Variants in STIM2 observed in about 807,000 individuals in gnomAD.
The protein encoded by STIM2 is stromal interaction molecule 2.
STIM2 carries 31 observed loss-of-function variants against 85.8 expected under a neutral mutation model. The ratio of observed to expected loss-of-function variants is 0.36; its 90% CI spans 0.27 to 0.49. STIM2 has a LOEUF of 0.49. Among genes scored for constraint, STIM2 ranks in the 20% least tolerant of loss-of-function variants. The pLI is 0.98. For synonymous variants in STIM2, 356 were observed against 331.1 expected (o/e 1.08, Z -0.82); for missense variants, 841 against 927.6 (o/e 0.91, Z 1.21).
chr4:26,990,747 A>G (rs1169603784), intron 3 of STIM2, among the ~76,000 whole-genome samples: 1 of 152,160 alleles, frequency 6.6e-6, no homozygotes, highest in Non-Finnish European at 1.5e-5. Flanking sequence ...AATAGCAGAA[A>G]AACAAATAAT....
intron 1 of STIM2, among the ~76,000 whole-genome samples, chr4:26,886,107 G>A (rs1490190132): frequency 6.6e-6 from 1 of 151,644 alleles, no homozygotes; most frequent in Non-Finnish European, 1.5e-5. Flanking sequence ...AACTGTGACG[G>A]GCAGAACATT....
intron 2 of STIM2, among the ~76,000 whole-genome samples, chr4:26,946,563 T>C (rs1725838424): frequency 6.6e-6 from 1 of 152,262 alleles, no homozygotes; most frequent in Non-Finnish European, 1.5e-5. Flanking sequence ...TGTGTGTGTG[T>C]GTGCGCACGC....
chr4:26,985,937 G>A (rs1355422260), intron 3 of STIM2, among the ~76,000 whole-genome samples: 3 of 152,226 alleles, frequency 2.0e-5, no homozygotes, highest in African/African-American at 7.2e-5. Flanking sequence ...TACATGTAAT[G>A]TGTATGCTTG....
At chr4:26,995,038 A>G (rs969123946) in intron 3 of STIM2, among the ~76,000 whole-genome samples, 1 of 152,142 alleles carries the variant, frequency 6.6e-6, no homozygotes, top group Admixed American at 6.6e-5. Flanking sequence ...CGGTATTACA[A>G]TACTATATGG....
chr4:26,921,520 G>A (rs1041796137), intron 2 of STIM2, among the ~76,000 whole-genome samples: 4 of 152,168 alleles, frequency 2.6e-5, no homozygotes, highest in Non-Finnish European at 5.9e-5. Flanking sequence ...AAGAACTAAC[G>A]GGCATGGCTG....
intron 6 of STIM2, 37 bp from the exon 7 acceptor site, chr4:27,002,889 AT>A (rs747896350): frequency 6.1e-6 from 9 of 1,469,420 alleles, no homozygotes; most frequent in Non-Finnish European, 8.1e-6. Flanking sequence ...AAAACTGGAA[AT>A]TTTTGTGAGG....
At chr4:26,896,627 A>C (rs1723714811) in intron 1 of STIM2, among the ~76,000 whole-genome samples, 1 of 152,184 alleles carries the variant, frequency 6.6e-6, no homozygotes, top group Non-Finnish European at 1.5e-5. Context: ...TCCAATTTTA[A>C]AATTGGAAGT....
At chr4:26,861,501 C>T in intron 1 of STIM2, 132 bp downstream of exon 1, 2 of 1,212,496 alleles carry the variant, frequency 1.6e-6, no homozygotes, top group Non-Finnish European at 2.1e-6. Flanking sequence ...GGAGCCCTGC[C>T]TGCTGCTTCG....
intron 3 of STIM2, among the ~76,000 whole-genome samples, chr4:26,969,645 C>G (rs1453285672): frequency 6.6e-6 from 1 of 152,162 alleles, no homozygotes; most frequent in Non-Finnish European, 1.5e-5. Flanking sequence ...AATGAGCATG[C>G]TCAACTGCAT....
chr4:26,992,444 G>T (rs1359983498), intron 3 of STIM2, among the ~76,000 whole-genome samples: 2 of 151,990 alleles, frequency 1.3e-5, no homozygotes, highest in Admixed American at 1.3e-4. Flanking sequence ...GCTGGGTGTG[G>T]TGTCTCATAC....
At chr4:26,918,388 G>T (rs1223955906) in intron 1 of STIM2, among the ~76,000 whole-genome samples, 1 of 151,844 alleles carries the variant, frequency 6.6e-6, no homozygotes, top group African/African-American at 2.4e-5. Context: ...TTATTTTAGG[G>T]ATGAGGCAAC....
chr4:26,868,657 G>A (rs1005524545), intron 1 of STIM2, among the ~76,000 whole-genome samples: 1 of 151,996 alleles, frequency 6.6e-6, no homozygotes, highest in Non-Finnish European at 1.5e-5. Flanking sequence ...AGTTGCACAG[G>A]CCCATGTTTT....
intron 2 of STIM2, among the ~76,000 whole-genome samples, chr4:26,955,944 C>A (rs1263111868): frequency 6.6e-6 from 1 of 152,092 alleles, no homozygotes. Context: ...AAATGATTTG[C>A]TCAATATTAT....
chr4:26,912,785 T>A (rs1370952573), intron 1 of STIM2, among the ~76,000 whole-genome samples: 1 of 152,216 alleles, frequency 6.6e-6, no homozygotes, highest in East Asian at 1.9e-4. Flanking sequence ...GTAGCAAACA[T>A]ATGCTGTAGA....
At position 27,008,542 on chromosome 4, in the gene STIM2, TTTCAC is replaced by T; in HGVS notation, c.1250+17_1250+21del. 6.5e-7 allele frequency: 1 copy of T among 1,545,836 alleles called. No homozygotes were observed. The highest frequency in any genetic ancestry group is 8.8e-7 in the Non-Finnish European group (1 of 1,137,172). On this transcript the variant is annotated intron_variant, in intron 9 of 11. Coordinates refer to ENST00000467087, the MANE Select transcript of STIM2 (RefSeq NM_020860.4). ...TCTGGAAGCAAAGTAAGAATGTTGT[TTTCAC>T]TTTTATTTGATTTATGTTTATTGTG...
At chr4:26,887,215 G>A (rs1290283409) in intron 1 of STIM2, among the ~76,000 whole-genome samples, 3 of 66,040 alleles carry the variant, frequency 4.5e-5, no homozygotes, top group African/African-American at 1.1e-4. Flanking sequence ...TTTGCCTCTT[G>A]CCTTGTCCGT....
At chr4:26,989,975 G>C (rs1341655677) in intron 3 of STIM2, among the ~76,000 whole-genome samples, 2 of 151,968 alleles carry the variant, frequency 1.3e-5, no homozygotes, top group Non-Finnish European at 2.9e-5. Context: ...CACAAAAAAG[G>C]AAAGATATGC....
intron 1 of STIM2, among the ~76,000 whole-genome samples, chr4:26,899,667 T>C (rs1400817949): frequency 6.6e-6 from 1 of 152,208 alleles, no homozygotes; most frequent in East Asian, 1.9e-4. Context: ...TGATGAATAC[T>C]TTTTCCTGAG....
chr4:26,916,271 A>T (rs1167876835), intron 1 of STIM2, among the ~76,000 whole-genome samples: 1 of 152,246 alleles, frequency 6.6e-6, no homozygotes, highest in African/African-American at 2.4e-5. Context: ...ATAAAATTTC[A>T]TGTGAAGAAA....
Sources: allele counts gnomAD v4.1 joint callset (sites outside exome capture counted in the v4.1 genomes callset), GRCh38; gene constraint gnomAD v4.1.1; transcripts MANE v1.5; gene names NCBI Gene and HGNC (gene_info 2026-07-23, HGNC 2026-07-21).